Variants in TSHZ3 observed in about 807,000 individuals in gnomAD.
TSHZ3 encodes teashirt zinc finger homeobox 3, also known as teashirt homolog 3.
A neutral mutation model predicts 64.5 loss-of-function variants in TSHZ3; 10 were observed. The observed-to-expected ratio is 0.16, with a 90% CI of 0.10 to 0.26. The LOEUF (loss-of-function observed/expected upper bound fraction) is 0.26. Among genes scored for constraint, TSHZ3 ranks in the 10% least tolerant of loss-of-function variants. The pLI, the probability that TSHZ3 is intolerant of heterozygous loss-of-function variation, is 1.00. For synonymous variants in TSHZ3, 608 were observed against 593.1 expected (o/e 1.03, Z -0.36); for missense variants, 1,242 against 1,421.7 (o/e 0.87, Z 2.03).
intron 5 of TSHZ3, among the ~76,000 whole-genome samples, chr19:31,188,556 A>G (rs1002095943): frequency 1.3e-5 from 2 of 151,968 alleles, no homozygotes; most frequent in African/African-American, 2.4e-5. Context: ...CTTTTTCTGC[A>G]TTTATTAAGT....
At chr19:31,290,434 C>G (rs576086526) in intron 1 of TSHZ3, among the ~76,000 whole-genome samples, 1 of 151,996 alleles carries the variant, frequency 6.6e-6, no homozygotes, top group Non-Finnish European at 1.5e-5. Flanking sequence ...GGGGGCTTAG[C>G]TAAACACACA....
At chr19:31,253,039 G>T (rs908974243) in intron 1 of TSHZ3, among the ~76,000 whole-genome samples, 14 of 152,158 alleles carry the variant, frequency 9.2e-5, no homozygotes, top group African/African-American at 3.4e-4. Flanking sequence ...ATACATTTAG[G>T]TAAAAACAAT....
At chr19:31,256,355 G>T (rs141506939) in intron 1 of TSHZ3, among the ~76,000 whole-genome samples, 2 of 152,184 alleles carry the variant, frequency 1.3e-5, no homozygotes, top group Non-Finnish European at 2.9e-5. Context: ...CTCTCTCTGC[G>T]GGGGTCCTTT....
rs778039102 is a variant in TSHZ3, at chr19:31,276,616, G to A, written c.3177C>T (p.His1059=). The part of the protein sequence containing the change: ...TFASKHAVKL[H]LSKTHGKSPE... ...GAGATTTCCCGTGTGTTTTGCTAAG[G>A]TGAAGTTTAACAGCGTGCTTGCTGG... The change falls in exon 2 of 2, where the codon CAC becomes CAT. Residue 1059 remains histidine, a synonymous_variant. Transcript: ENST00000240587. 6.2e-7 allele frequency: 1 copy of A among 1,606,912 alleles called. No homozygotes were observed. The highest frequency in any genetic ancestry group is 1.1e-5 in the South Asian group (1 of 90,578).
chr19:31,290,404 G>T (rs1976543179), intron 1 of TSHZ3, among the ~76,000 whole-genome samples: 1 of 152,090 alleles, frequency 6.6e-6, no homozygotes, highest in Non-Finnish European at 1.5e-5. Flanking sequence ...ATGGCAGGGG[G>T]AAGTGTGGGA....
chr19:31,191,086 G>C (rs978495102), intron 5 of TSHZ3, among the ~76,000 whole-genome samples: 23 of 152,042 alleles, frequency 1.5e-4, no homozygotes, highest in African/African-American at 5.6e-4. Context: ...GTTTAACTGG[G>C]ATGTCAGAAA....
intron 1 of TSHZ3, among the ~76,000 whole-genome samples, chr19:31,341,089 C>A (rs192242817): frequency 1.7e-4 from 26 of 152,336 alleles, no homozygotes; most frequent in African/African-American, 5.1e-4. Context: ...AACTGCCAAG[C>A]TGACCCTGAG....
chr19:31,326,307 A>G (rs1387489808), intron 1 of TSHZ3, among the ~76,000 whole-genome samples: 1 of 152,232 alleles, frequency 6.6e-6, no homozygotes, highest in Non-Finnish European at 1.5e-5. Context: ...GGTTAGAAGA[A>G]GACTCTCTTT....
At chr19:31,251,084 T>C (rs1975835141) in intron 1 of TSHZ3, among the ~76,000 whole-genome samples, 1 of 151,910 alleles carries the variant, frequency 6.6e-6, no homozygotes, top group Non-Finnish European at 1.5e-5. Context: ...GGAGTTAGGG[T>C]GGCTCTTGAA....
chr19:31,213,388 A>AAAAAAAAAAAAAAAAAAC, intron 4 of TSHZ3, among the ~76,000 whole-genome samples: 1 of 146,828 alleles, frequency 6.8e-6, no homozygotes, highest in Non-Finnish European at 1.5e-5. Flanking sequence ...AAAAAAAAAA[A>AAAAAAAAAAAAAAAAAAC]AAATCAGTGG....
chr19:31,289,812 G>C (rs1976533039), intron 1 of TSHZ3, among the ~76,000 whole-genome samples: 1 of 152,190 alleles, frequency 6.6e-6, no homozygotes, highest in Non-Finnish European at 1.5e-5. Context: ...CTGGGCTTCT[G>C]CCTTGAATCA....
At chr19:31,294,360 CACTCAGCCAGG>C (rs1351285138) in intron 1 of TSHZ3, among the ~76,000 whole-genome samples, 1 of 151,944 alleles carries the variant, frequency 6.6e-6, no homozygotes, top group Non-Finnish European at 1.5e-5. Flanking sequence ...ACTCACCTAG[CACTCAGCCAGG>C]ACTCAGCCAG....
At chr19:31,250,566 T>C (rs1233261213) in intron 1 of TSHZ3, among the ~76,000 whole-genome samples, 1 of 152,216 alleles carries the variant, frequency 6.6e-6, no homozygotes, top group Non-Finnish European at 1.5e-5. Context: ...TGCATTGTAA[T>C]AAGCAAAAGA....
At chr19:31,350,173 G>C (rs1356040707), upstream of TSHZ3, among the ~76,000 whole-genome samples, 1 of 150,212 alleles carries the variant, frequency 6.7e-6, no homozygotes, top group East Asian at 2.1e-4. Flanking sequence ...GCGTCCCCCG[G>C]GGAAGCCAGA....
chr19:31,282,477 G>A (rs1976379832), intron 1 of TSHZ3, among the ~76,000 whole-genome samples: 1 of 152,168 alleles, frequency 6.6e-6, no homozygotes, highest in Non-Finnish European at 1.5e-5. Context: ...AGGCCACCAG[G>A]TGAGAGGGAA....
intron 5 of TSHZ3, among the ~76,000 whole-genome samples, chr19:31,169,702 C>T (rs1008602003): frequency 3.3e-5 from 5 of 152,024 alleles, no homozygotes; most frequent in African/African-American, 9.7e-5. Flanking sequence ...GAGTCTGTGC[C>T]GCAGCAACAC....
At chr19:31,237,291 C>T in intron 3 of TSHZ3, among the ~76,000 whole-genome samples, 1 of 152,182 alleles carries the variant, frequency 6.6e-6, no homozygotes, top group Non-Finnish European at 1.5e-5. Context: ...TTCACCTAAA[C>T]TGTTAAACTT....
In TSHZ3 at chr19:31,309,698, G is replaced by A. The variant is rs779039074; in HGVS notation, c.41-29946C>T. The stretch of plus-strand genomic sequence containing the variant: ...CTTGCAAAGCATTAAATAATGTGGC[G>A]CAAAGAGGAATGACGGCTCCTAAGA... On this transcript the variant is annotated intron_variant, in intron 1 of 1. Coordinates refer to ENST00000240587, the MANE Select transcript of TSHZ3 (RefSeq NM_020856.4). Among the ~76,000 whole-genome samples, 15 of 152,182 alleles carry A rather than the reference G, an allele frequency of 9.9e-5. No homozygotes were observed. In the East Asian group the frequency reaches 1.5e-3, roughly 16 times the overall value.
intron 5 of TSHZ3, chr19:31,167,647 C>A (rs1204206571): frequency 1.3e-5 from 2 of 152,248 alleles, no homozygotes; most frequent in East Asian, 3.9e-4. Context: ...ACAGCAAGCT[C>A]TCTTTCCAGA....
Sources: gnomAD v4.1 joint callset for allele counts (sites outside exome capture counted in the v4.1 genomes callset) on GRCh38, gnomAD v4.1.1 for gene constraint, MANE v1.5 for transcripts, NCBI Gene and HGNC (gene_info 2026-07-23, HGNC 2026-07-21) for gene names.